The following CD8B2 variants were observed in gnomAD, a reference collection of about 807,000 sequenced individuals.
The protein encoded by CD8B2 is CD8B family member 2.
In CD8B2, 11 loss-of-function variants were observed where a neutral mutation model predicts 23.7. The ratio of observed to expected loss-of-function variants is 0.46; its 90% CI spans 0.29 to 0.77. CD8B2 has a LOEUF of 0.77. Ranked by LOEUF, CD8B2 falls within the 30% of genes least tolerant of loss-of-function variation. The pLI is 0.09. For synonymous variants in CD8B2, 90 were observed against 109.3 expected, an observed-to-expected ratio of 0.82 and a Z score of 1.10; for missense variants, 197 against 270.5, an observed-to-expected ratio of 0.73 and a Z score of 1.91.
At chr2:106,525,124 T>C (rs1679890030) in intron 5 of CD8B2, among the ~76,000 whole-genome samples, 1 of 152,210 alleles carries the variant, frequency 6.6e-6, no homozygotes, top group East Asian at 1.9e-4. Context: ...TGTTGTCTAA[T>C]ACACTGCTCA....
chr2:106,528,260 T>C (rs1679942989), intron 5 of CD8B2, among the ~76,000 whole-genome samples: 1 of 152,248 alleles, frequency 6.6e-6, no homozygotes. Flanking sequence ...GTAAGAGTAG[T>C]TTAGAGTTAT....
intron 5 of CD8B2, among the ~76,000 whole-genome samples, chr2:106,504,571 G>A: frequency 1.1e-5 from 1 of 89,934 alleles, no homozygotes. Flanking sequence ...GGGCAACAGA[G>A]TGAGACCCCA....
At position 106,502,516 on chromosome 2, in the gene CD8B2, G is replaced by A; in HGVS notation, c.536G>A (p.Gly179Asp). The A allele has an allele frequency of 1.3e-6, 2 of 1,585,574 alleles. No individual in the cohort carries two copies. Among genetic ancestry groups the A allele is most frequent in the Non-Finnish European group, 1.7e-6 (2 of 1,165,064 alleles). ...SPVTLGLLVA[G>D]VLVLLVSLGV... ...GTCACCCTTGGCCTGCTGGTGGCTGGCGTCCTGGTTCTGCTGGTTTCCCTG... is the reference window on the plus strand; with the variant it reads ...GTCACCCTTGGCCTGCTGGTGGCTGACGTCCTGGTTCTGCTGGTTTCCCTG... Residue 179 changes from glycine to aspartate, a missense_variant, in exon 4 of 6, where the codon GGC becomes GAC. Physicochemically the swap from Gly to Asp is moderately conservative, Grantham distance 94 (BLOSUM62 -1). Around this residue, in one of 3 missense-constraint regions of CD8B2, gnomAD observed 35 missense variants for 82.9 expected, o/e 0.42. Transcript: ENST00000643224.
At chr2:106,496,112 T>G in intron 2 of CD8B2, 61 bp from the exon 3 acceptor site, 1 of 1,549,196 alleles carries the variant, frequency 6.5e-7, no homozygotes, top group East Asian at 2.4e-5. Context: ...GACAAAGTTT[T>G]GTCTTTGAGT....
chr2:106,537,447 C>T (rs531040865), intron 5 of CD8B2, among the ~76,000 whole-genome samples: 1 of 152,136 alleles, frequency 6.6e-6, no homozygotes, highest in South Asian at 2.1e-4. Context: ...CACCAAGACA[C>T]GACATCTTAA....
chr2:106,528,935 T>A (rs1426804149), intron 5 of CD8B2, among the ~76,000 whole-genome samples: 7 of 152,118 alleles, frequency 4.6e-5, no homozygotes, highest in Admixed American at 2.0e-4. Context: ...CAGCTGTAGG[T>A]GTAATTTCCC....
chr2:106,500,560 A>ATAAATAAATAAATAAATAAT (rs370350218), intron 3 of CD8B2, among the ~76,000 whole-genome samples: 3 of 118,996 alleles, frequency 2.5e-5, no homozygotes, highest in Non-Finnish European at 5.2e-5. Flanking sequence ...AAATAAATAA[A>ATAAATAAATAAATAAATAAT]TAATTAAAAA....
Position 106,530,736 on chromosome 2 carries a change from G to A in CD8B2, c.621-13256G>A, listed in dbSNP as rs184382767. On this transcript the variant is annotated intron_variant, in intron 5 of 5. Transcript: ENST00000416057. ...TCTAAGTCACAGGATGAGATGGGAG[G>A]TTGGCACAAGACACAGGTCATAAAG... Among the ~76,000 whole-genome samples, 152 of 152,254 alleles carry A rather than the reference G, an allele frequency of 1.0e-3. 1 individual carries two copies. Among genetic ancestry groups the A allele is most frequent in the African/African-American group, 3.6e-3 (148 of 41,542 alleles).
chr2:106,502,849 G>A (rs531404252), intron 4 of CD8B2, among the ~76,000 whole-genome samples: 1 of 151,742 alleles, frequency 6.6e-6, no homozygotes, highest in East Asian at 1.9e-4. Flanking sequence ...ATGGGGGTAG[G>A]ACATTAGCTA....
intron 5 of CD8B2, chr2:106,522,026 A>C (rs1387130728): frequency 2.0e-5 from 3 of 152,214 alleles, no homozygotes; most frequent in African/African-American, 7.2e-5. Context: ...GAGAAGAAAC[A>C]TGAAGTCCGC....
At chr2:106,518,721 C>T (rs1386803634) in intron 5 of CD8B2, among the ~76,000 whole-genome samples, 1 of 151,908 alleles carries the variant, frequency 6.6e-6, no homozygotes, top group East Asian at 1.9e-4. Context: ...ATCCTTTCTC[C>T]CTGTCTCCTT....
At chr2:106,502,355 T>C in intron 3 of CD8B2, 119 bp from the exon 4 acceptor site, 4 of 469,772 alleles carry the variant, frequency 8.5e-6, no homozygotes, top group South Asian at 8.5e-5. Context: ...GAAATACAAA[T>C]GGTGGTATTC....
At chr2:106,543,373 A>G (rs918947552) in intron 5 of CD8B2, among the ~76,000 whole-genome samples, 5 of 152,042 alleles carry the variant, frequency 3.3e-5, no homozygotes, top group African/African-American at 1.2e-4. Flanking sequence ...CAAAAAAATA[A>G]AATAAAATTA....
intron 5 of CD8B2, among the ~76,000 whole-genome samples, chr2:106,531,379 C>T (rs1679987651): frequency 6.6e-6 from 1 of 152,126 alleles, no homozygotes; most frequent in Admixed American, 6.5e-5. Context: ...ATCCAATTGC[C>T]CCAAATTCTG....
At chr2:106,517,730 T>C (rs532107808) in intron 5 of CD8B2, among the ~76,000 whole-genome samples, 36 of 152,176 alleles carry the variant, frequency 2.4e-4, no homozygotes, top group African/African-American at 8.4e-4. Flanking sequence ...TTTTTTGTTT[T>C]GAGACAGGGT....
intron 3 of CD8B2, among the ~76,000 whole-genome samples, chr2:106,499,543 A>G (rs902346504): frequency 6.6e-6 from 1 of 152,034 alleles, no homozygotes. Context: ...AAAAAAAAAA[A>G]AAAAAAAACC....
intron 5 of CD8B2, among the ~76,000 whole-genome samples, chr2:106,517,427 G>A (rs935539050): frequency 6.6e-6 from 1 of 151,764 alleles, no homozygotes; most frequent in Non-Finnish European, 1.5e-5. Flanking sequence ...ACAGTATACC[G>A]GCCACGCCAC....
In CD8B2 at chr2:106,491,085, G is replaced by A. The variant is rs548062583; in HGVS notation, c.255G>A (p.Val85=). Residue 85 remains valine, a synonymous_variant, in exon 2 of 6, where the codon GTG becomes GTA. Coordinates refer to ENST00000643224, the MANE Select transcript of CD8B2 (RefSeq NM_001349727.2). Reference sequence around the variant, plus strand: ...AAGGGACTATCCACGGTGAAGAGGTGGAACAGGAGAAGATAGCTGTGTTTC... The same window carrying A: ...AAGGGACTATCCACGGTGAAGAGGTAGAACAGGAGAAGATAGCTGTGTTTC... ...SAKGTIHGEE[V]EQEKIAVFRD... The A allele has an allele frequency of 2.9e-5, 47 of 1,613,942 alleles. No homozygotes were observed. In the East Asian group the frequency reaches 9.6e-4, roughly 33 times the overall value.
intron 3 of CD8B2, among the ~76,000 whole-genome samples, chr2:106,499,330 C>T (rs369698434): frequency 3.9e-5 from 6 of 151,986 alleles, no homozygotes; most frequent in African/African-American, 7.2e-5. Context: ...GTCAGGAGTT[C>T]GAGACCAGCC....
Sources: gnomAD v4.1 joint callset for allele counts (sites outside exome capture counted in the v4.1 genomes callset) on GRCh38, gnomAD v4.1.1 for gene constraint, gnomAD v4.1.1 regional missense constraint, MANE v1.5 for transcripts, NCBI Gene and HGNC (gene_info 2026-07-23, HGNC 2026-07-21) for gene names.